RGS6: variants seen among roughly 807,000 people sequenced by gnomAD.
RGS6 encodes regulator of G protein signaling 6.
In RGS6, 30 loss-of-function variants were observed where a neutral mutation model predicts 78.5. The ratio of observed to expected loss-of-function variants is 0.38; its 90% CI spans 0.29 to 0.52. The LOEUF (loss-of-function observed/expected upper bound fraction) is 0.52. Ranked by LOEUF, RGS6 falls within the 20% of genes least tolerant of loss-of-function variation. The pLI, the probability that RGS6 is intolerant of heterozygous loss-of-function variation, is 0.85. For missense variants in RGS6, 495 were observed against 609.7 expected, an observed-to-expected ratio of 0.81 and a Z score of 1.98; for synonymous variants, 206 against 206.0, an observed-to-expected ratio of 1.00 and a Z score of 0.00.
chr14:72,541,066 G>T, intron 17 of RGS6: 1 of 1,348,780 alleles, frequency 7.4e-7, no homozygotes, highest in Non-Finnish European at 9.8e-7. Flanking sequence ...TCAATCACGG[G>T]GCCCATCCTG....
intron 3 of RGS6, among the ~76,000 whole-genome samples, chr14:72,444,568 G>T (rs2095310240): frequency 6.6e-6 from 1 of 152,184 alleles, no homozygotes; most frequent in South Asian, 2.1e-4. Flanking sequence ...TCGGTCTGGG[G>T]TCTTCTCCCT....
At position 72,558,797 on chromosome 14, in the gene RGS6, C is replaced by CTT. The variant is rs566696329; in HGVS notation, c.1423-3618_1423-3617dup. On this transcript the variant is annotated intron_variant, in intron 17 of 17. Coordinates refer to ENST00000553525, the MANE Select transcript of RGS6 (RefSeq NM_001204424.2). ...CCAAATGTCTCAAAGGTGAAAAGCACTTTGTCGGTATGCAAAGCTTTGGTG... is the reference window on the plus strand; with the variant it reads ...CCAAATGTCTCAAAGGTGAAAAGCACTTTTTGTCGGTATGCAAAGCTTTGGTG... Among the ~76,000 whole-genome samples, 394 of 152,344 alleles carry CTT rather than the reference C, an allele frequency of 2.6e-3. 9 individuals carry two copies. Among genetic ancestry groups the CTT allele is most frequent in the South Asian group, 0.025 (122 of 4,822 alleles).
chr14:72,620,210 G>A, the RGS6 span, among the ~76,000 whole-genome samples: 1 of 151,994 alleles, frequency 6.6e-6, no homozygotes, highest in African/African-American at 2.4e-5. Context: ...CCCATTTTAG[G>A]GTTCTGCTCA....
intron 2 of RGS6, among the ~76,000 whole-genome samples, chr14:72,270,504 A>G (rs2059782118): frequency 2.6e-5 from 4 of 152,226 alleles, no homozygotes; most frequent in Admixed American, 1.3e-4. Flanking sequence ...AGACACACAC[A>G]GTGACTACAC....
At chr14:72,554,686 A>G (rs539672525) in intron 17 of RGS6, among the ~76,000 whole-genome samples, 2 of 152,172 alleles carry the variant, frequency 1.3e-5, no homozygotes, top group East Asian at 3.9e-4. Flanking sequence ...GCCACCAAGA[A>G]TTTCCTGCAA....
At chr14:72,126,617 G>A (rs2096200134) in intron 2 of RGS6, among the ~76,000 whole-genome samples, 1 of 152,194 alleles carries the variant, frequency 6.6e-6, no homozygotes, top group Non-Finnish European at 1.5e-5. Flanking sequence ...TTGGGTGGGT[G>A]CTAAATATTT....
At chr14:72,206,075 T>A (rs542090836) in intron 2 of RGS6, among the ~76,000 whole-genome samples, 19 of 152,210 alleles carry the variant, frequency 1.2e-4, no homozygotes, top group Admixed American at 4.6e-4. Context: ...CTGTTCATAG[T>A]AAGAAAACGT....
chr14:72,079,067 T>G (rs1216539950), intron 2 of RGS6, among the ~76,000 whole-genome samples: 2 of 152,262 alleles, frequency 1.3e-5, no homozygotes, highest in East Asian at 1.9e-4. Flanking sequence ...GTACCAAAAT[T>G]AAAGGACACC....
intron 2 of RGS6, among the ~76,000 whole-genome samples, chr14:72,058,326 T>A (rs527956443): frequency 6.6e-6 from 1 of 152,322 alleles, no homozygotes; most frequent in South Asian, 2.1e-4. Flanking sequence ...ATCCACACTC[T>A]CTTTCCAGTG....
At position 72,540,094 on chromosome 14, in the gene RGS6, G is replaced by A. The variant is rs2097302306; in HGVS notation, c.1422G>A (p.Val474=). Residue 474 remains valine (V), a splice_region_variant and synonymous_variant, in exon 17 of 18, where the codon GTG becomes GTA. Coordinates refer to ENST00000553525, the MANE Select transcript of RGS6 (RefSeq NM_001204424.2). ...CCCTAGAAAAGTTCACTCGCAGTGT[G>A]GTAAGTTCAGTCGGTTTTCTTCCCT... is the stretch of plus-strand genomic sequence containing the variant. ...RTSLEKFTRS[V]GKSLAGKRLT... is the part of the protein sequence containing the mutation. 6.3e-7 allele frequency: 1 copy of A among 1,588,074 alleles called. No homozygotes were observed. Among genetic ancestry groups the A allele is most frequent in the African/African-American group, 1.4e-5 (1 of 73,850 alleles).
chr14:72,143,387 A>G (rs1471775944), intron 2 of RGS6, among the ~76,000 whole-genome samples: 1 of 151,868 alleles, frequency 6.6e-6, no homozygotes, highest in African/African-American at 2.4e-5. Flanking sequence ...AAAAACACAA[A>G]AAACTGTCTT....
At position 72,038,761 on chromosome 14, in the gene RGS6, T is replaced by TTA. The variant is rs1329437121; in HGVS notation, c.84+73886_84+73887insTA. On this transcript the variant is annotated intron_variant, in intron 2 of 17. Coordinates refer to ENST00000553525, the MANE Select transcript of RGS6 (RefSeq NM_001204424.2). ...ATATGATCCATTTTTTTACATGTACTCTACAACTTTGCTAAATACATTCAT... is the reference window on the plus strand; with the variant it reads ...ATATGATCCATTTTTTTACATGTACTTACTACAACTTTGCTAAATACATTCAT... Among the ~76,000 whole-genome samples the TTA allele has an allele frequency of 1.1e-4, 16 of 152,322 alleles. No individual in the cohort carries two copies. In the East Asian group the frequency reaches 3.1e-3, roughly 29 times the overall value.
intron 17 of RGS6, among the ~76,000 whole-genome samples, chr14:72,556,634 C>A (rs1297686861): frequency 5.3e-5 from 7 of 131,742 alleles, no homozygotes; most frequent in Non-Finnish European, 7.6e-5. Context: ...GTGTTTACAC[C>A]ACACACAGCC....
At chr14:71,984,315 AAAAAAAAC>A (rs1159463010) in intron 2 of RGS6, among the ~76,000 whole-genome samples, 2 of 112,234 alleles carry the variant, frequency 1.8e-5, no homozygotes, top group Non-Finnish European at 4.0e-5. Context: ...AAAAAAAAAA[AAAAAAAAC>A]AAAGCTGTTA....
At chr14:72,531,043 G>T (rs977565013) in intron 15 of RGS6, among the ~76,000 whole-genome samples, 1 of 152,172 alleles carries the variant, frequency 6.6e-6, no homozygotes, top group Non-Finnish European at 1.5e-5. Context: ...CTGGATTTTT[G>T]TCTGAAATTT....
chr14:72,317,712 T>C (rs1177118775), intron 2 of RGS6, among the ~76,000 whole-genome samples: 1 of 152,184 alleles, frequency 6.6e-6, no homozygotes, highest in African/African-American at 2.4e-5. Context: ...AAAAACAGCA[T>C]GGAGCATCTT....
intron 2 of RGS6, among the ~76,000 whole-genome samples, chr14:72,173,535 A>C (rs977978826): frequency 6.6e-6 from 1 of 152,186 alleles, no homozygotes; most frequent in Non-Finnish European, 1.5e-5. Flanking sequence ...ATTCACCAAT[A>C]AAATGCGCGT....
chr14:72,483,235 A>G (rs1354040559), intron 12 of RGS6, among the ~76,000 whole-genome samples: 1 of 152,162 alleles, frequency 6.6e-6, no homozygotes, highest in Non-Finnish European at 1.5e-5. Context: ...CTCCCGACCC[A>G]TAGCGAGCTT....
the RGS6 span, among the ~76,000 whole-genome samples, chr14:72,607,828 G>T: frequency 2.5e-4 from 38 of 152,276 alleles, no homozygotes; most frequent in Non-Finnish European, 4.4e-4. Context: ...TGCAGAGATG[G>T]CTCGACAACC....
Sources: allele counts gnomAD v4.1 joint callset (sites outside exome capture counted in the v4.1 genomes callset), GRCh38; gene constraint gnomAD v4.1.1; transcripts MANE v1.5; gene names NCBI Gene and HGNC (gene_info 2026-07-23, HGNC 2026-07-21).